The following COL4A5 variants were observed in gnomAD, a reference collection of about 807,000 sequenced individuals.
COL4A5 encodes collagen type IV alpha 5 chain.
Under a neutral mutation model 130.2 loss-of-function variants are expected in COL4A5, and 26 were observed. The observed-to-expected ratio is 0.20, with a 90% CI of 0.15 to 0.28. The LOEUF (loss-of-function observed/expected upper bound fraction) is 0.28. Ranked by LOEUF, COL4A5 falls within the 10% of genes least tolerant of loss-of-function variation. COL4A5 has a pLI of 1.00. For synonymous variants in COL4A5, 496 were observed against 439.6 expected (o/e 1.13, Z -1.60); for missense variants, 1,131 against 1,344.3 (o/e 0.84, Z 2.48).
intron 6 of COL4A5, 130 bp downstream of exon 6, chrX:108,568,951 T>C: frequency 1.9e-6 from 1 of 524,891 alleles, no homozygotes; most frequent in Non-Finnish European, 3.2e-6. Flanking sequence ...ACATAAAGTA[T>C]GCTCTGACTA....
At chrX:108,625,088 A>G (rs1179552852) in intron 34 of COL4A5, among the ~76,000 whole-genome samples, 1 of 111,949 alleles carries the variant, frequency 8.9e-6, no homozygotes, top group East Asian at 2.8e-4. Context: ...GGAAAAAAAT[A>G]AAATAAAAAA....
chrX:108,545,067 G>A (rs1299212165), intron 2 of COL4A5, among the ~76,000 whole-genome samples: 2 of 111,540 alleles, frequency 1.8e-5, no homozygotes, highest in Non-Finnish European at 3.8e-5. Flanking sequence ...CCAGCTCCTG[G>A]ATTCATTGAT....
intron 1 of COL4A5, among the ~76,000 whole-genome samples, chrX:108,484,537 G>A (rs911489881): frequency 1.8e-5 from 2 of 112,782 alleles, no homozygotes; most frequent in African/African-American, 6.4e-5. Flanking sequence ...CAATAGTGCT[G>A]TGGTTCTTGC....
At chrX:108,588,109 A>G (rs2066366848) in intron 19 of COL4A5, among the ~76,000 whole-genome samples, 1 of 111,216 alleles carries the variant, frequency 9.0e-6, no homozygotes, top group Non-Finnish European at 1.9e-5. Context: ...TAATTTGGCC[A>G]CAAATTGAGT....
intron 2 of COL4A5, among the ~76,000 whole-genome samples, chrX:108,555,347 T>C (rs1408718364): frequency 1.8e-5 from 2 of 112,277 alleles, no homozygotes; most frequent in African/African-American, 6.5e-5. Flanking sequence ...GTCTATTTTC[T>C]TGTTCTACCA....
At chrX:108,513,653 T>A (rs754164907) in intron 1 of COL4A5, among the ~76,000 whole-genome samples, 1 of 111,816 alleles carries the variant, frequency 8.9e-6, no homozygotes, top group African/African-American at 3.2e-5. Flanking sequence ...GTCAGATGTA[T>A]GTATTGTGAA....
chrX:108,583,735 G>C (rs1264729630), intron 17 of COL4A5, among the ~76,000 whole-genome samples: 2 of 111,290 alleles, frequency 1.8e-5, no homozygotes, highest in East Asian at 5.6e-4. Flanking sequence ...TTGTCAAATA[G>C]TATTTGTATA....
chrX:108,611,988 G>A (rs1392182846), intron 29 of COL4A5, among the ~76,000 whole-genome samples: 1 of 111,410 alleles, frequency 9.0e-6, no homozygotes, highest in East Asian at 2.8e-4. Flanking sequence ...ATACGGGCTG[G>A]TTTGACATTT....
At chrX:108,530,787 A>G (rs1256785745) in intron 1 of COL4A5, among the ~76,000 whole-genome samples, 1 of 104,659 alleles carries the variant, frequency 9.6e-6, no homozygotes, top group African/African-American at 3.5e-5. Context: ...CCATTGTGGA[A>G]GTCAGTGTGG....
chrX:108,535,535 G>T (rs2065444376), intron 1 of COL4A5, among the ~76,000 whole-genome samples: 1 of 111,019 alleles, frequency 9.0e-6, no homozygotes, highest in Non-Finnish European at 1.9e-5. Context: ...TGCTAATTTG[G>T]ATTGCAAATC....
chrX:108,504,668 G>A (rs772815641), intron 1 of COL4A5, among the ~76,000 whole-genome samples: 1 of 112,181 alleles, frequency 8.9e-6, no homozygotes, highest in African/African-American at 3.2e-5. Flanking sequence ...CAATGTAAAT[G>A]CAAATTAAAA....
At chrX:108,622,073 A>G (rs1208623163) in intron 32 of COL4A5, among the ~76,000 whole-genome samples, 181 bp downstream of exon 32, 1 of 112,900 alleles carries the variant, frequency 8.9e-6, no homozygotes, top group African/African-American at 3.2e-5. Context: ...TTTGGATACC[A>G]TGATACATGG....
intron 4 of COL4A5, among the ~76,000 whole-genome samples, chrX:108,567,065 T>C (rs755680476): frequency 8.9e-6 from 1 of 112,037 alleles, no homozygotes; most frequent in African/African-American, 3.2e-5. Flanking sequence ...TTTCCTACAA[T>C]ATGCTTTAAA....
intron 5 of COL4A5, 33 bp from the exon 6 acceptor site, chrX:108,568,726 C>T (rs765664572): frequency 5.0e-6 from 6 of 1,202,794 alleles, no homozygotes; most frequent in Non-Finnish European, 2.3e-6. Flanking sequence ...TAATCTAAGA[C>T]ATATTATACA....
chrX:108,676,372 C>T (rs1362050616), intron 43 of COL4A5, among the ~76,000 whole-genome samples: 1 of 111,636 alleles, frequency 9.0e-6, no homozygotes, highest in African/African-American at 3.3e-5. Context: ...GCCTCAGCCA[C>T]TGAACACTCT....
At chrX:108,532,267 G>A (rs1476074777) in intron 1 of COL4A5, among the ~76,000 whole-genome samples, 2 of 111,623 alleles carry the variant, frequency 1.8e-5, no homozygotes, top group Non-Finnish European at 3.8e-5. Context: ...AGGCAAGGAA[G>A]GCACAACCTT....
At chrX:108,554,980 T>C (rs5973833) in intron 2 of COL4A5, among the ~76,000 whole-genome samples, 7 of 112,743 alleles carry the variant, frequency 6.2e-5, no homozygotes, top group African/African-American at 2.3e-4. Flanking sequence ...AAAACATATG[T>C]TTTTAACATA....
intron 1 of COL4A5, among the ~76,000 whole-genome samples, chrX:108,450,440 T>G (rs1297483413): frequency 1.8e-5 from 2 of 111,917 alleles, no homozygotes; most frequent in Non-Finnish European, 3.8e-5. Flanking sequence ...CTGTGGTTAT[T>G]TATACTTGGG....
intron 20 of COL4A5, 105 bp downstream of exon 20, chrX:108,591,336 C>G: frequency 1.2e-6 from 1 of 801,263 alleles, no homozygotes; most frequent in Non-Finnish European, 1.8e-6. Flanking sequence ...TTTCTGATAT[C>G]TAAGAAATTC....
Sources: allele counts gnomAD v4.1 joint callset (sites outside exome capture counted in the v4.1 genomes callset), GRCh38; gene constraint gnomAD v4.1.1; transcripts MANE v1.5; gene names NCBI Gene and HGNC (gene_info 2026-07-23, HGNC 2026-07-21).